The following PRKG2 variants were observed in gnomAD, a reference collection of about 807,000 sequenced individuals.
The protein encoded by PRKG2 is protein kinase cGMP-dependent 2, also known as cGMP-dependent protein kinase 2.
Under a neutral mutation model 97.2 loss-of-function variants are expected in PRKG2, and 33 were observed. The ratio of observed to expected loss-of-function variants is 0.34; its 90% CI spans 0.26 to 0.45. The LOEUF (loss-of-function observed/expected upper bound fraction) is 0.45. Ranked by LOEUF, PRKG2 falls within the 20% of genes least tolerant of loss-of-function variation. The pLI, the probability that PRKG2 is intolerant of heterozygous loss-of-function variation, is 1.00. For synonymous variants in PRKG2, 330 were observed against 321.8 expected (o/e 1.03, Z -0.27); for missense variants, 638 against 900.0 (o/e 0.71, Z 3.73).
chr4:81,095,113 G>T (rs1741989439), intron 17 of PRKG2, among the ~76,000 whole-genome samples: 1 of 152,080 alleles, frequency 6.6e-6, no homozygotes, highest in South Asian at 2.1e-4. Flanking sequence ...CTTGGGTTTG[G>T]TTTAGTGCTT....
chr4:81,158,886 G>C (rs952307627), intron 6 of PRKG2, among the ~76,000 whole-genome samples: 3 of 151,326 alleles, frequency 2.0e-5, no homozygotes, highest in Admixed American at 2.0e-4. Context: ...GGGAAAACTG[G>C]CTAGCCATAT....
chr4:81,209,216 C>T (rs927374459), intron 1 of PRKG2, among the ~76,000 whole-genome samples: 12 of 152,178 alleles, frequency 7.9e-5, no homozygotes, highest in African/African-American at 1.9e-4. Context: ...CGCTTGCAGG[C>T]GGATTAACAC....
chr4:81,120,817 T>G (rs1025411257), intron 14 of PRKG2, among the ~76,000 whole-genome samples: 12 of 152,194 alleles, frequency 7.9e-5, no homozygotes, highest in African/African-American at 2.9e-4. Context: ...TAACTAGGAC[T>G]TCCAGTGTGA....
At chr4:81,178,124 G>A (rs1281085171) in intron 2 of PRKG2, among the ~76,000 whole-genome samples, 3 of 146,186 alleles carry the variant, frequency 2.1e-5, no homozygotes, top group Admixed American at 2.0e-4. Context: ...GACACCTGAA[G>A]GGCTGCAGCC....
chr4:81,147,251 C>T (rs1747945934), intron 9 of PRKG2, among the ~76,000 whole-genome samples: 1 of 149,754 alleles, frequency 6.7e-6, no homozygotes, highest in African/African-American at 2.4e-5. Context: ...TGAGCTCCTC[C>T]TTTCTATCCT....
chr4:81,110,375 AC>A (rs1743775145), intron 15 of PRKG2, 72 bp downstream of exon 15: 2 of 1,480,246 alleles, frequency 1.4e-6, no homozygotes, highest in Admixed American at 4.3e-5. Context: ...TAAAGTATAT[AC>A]ACTTTATCAC....
intron 12 of PRKG2, among the ~76,000 whole-genome samples, chr4:81,138,549 A>G (rs1746946251): frequency 6.6e-6 from 1 of 152,140 alleles, no homozygotes; most frequent in African/African-American, 2.4e-5. Flanking sequence ...ATTATTATGT[A>G]TATTATTGAT....
chr4:81,177,655 G>A (rs149043167), intron 2 of PRKG2, among the ~76,000 whole-genome samples: 1,663 of 152,096 alleles, frequency 0.011, 37 homozygotes, highest in African/African-American at 0.038. Context: ...AGCCGAGCTC[G>A]CGCCACTGCA....
rs1383774145 is a variant in PRKG2 at position 81,190,289 on chromosome 4, C to CTGA, written c.461+14295_461+14297dup. On this transcript the variant is annotated intron_variant, in intron 2 of 18. Transcript: ENST00000264399. The stretch of plus-strand genomic sequence containing the variant: ...AATAGTGCCACACATCTACAACCAT[C>CTGA]TGATCTTTGACAAACAAGCAATCTG... Among the ~76,000 whole-genome samples the CTGA allele has an allele frequency of 2.6e-5, 4 of 152,164 alleles. No homozygotes were observed. In the East Asian group the frequency reaches 7.7e-4, roughly 29 times the overall value.
intron 15 of PRKG2, among the ~76,000 whole-genome samples, chr4:81,109,836 T>C (rs1743722836): frequency 6.6e-6 from 1 of 152,142 alleles, no homozygotes; most frequent in East Asian, 1.9e-4. Flanking sequence ...ATTTAAATAT[T>C]TGAGATCCTG....
At chr4:81,210,393 TCTGAG>T (rs1753907819) in intron 1 of PRKG2, among the ~76,000 whole-genome samples, 1 of 152,040 alleles carries the variant, frequency 6.6e-6, no homozygotes, top group South Asian at 2.1e-4. Context: ...GGGCAAAAGA[TCTGAG>T]CAGACACCTC....
intron 4 of PRKG2, 49 bp downstream of exon 4, chr4:81,171,642 T>C: frequency 2.1e-6 from 3 of 1,446,440 alleles, no homozygotes; most frequent in Non-Finnish European, 2.8e-6. Context: ...CTAGATTATC[T>C]TTAACATGCC....
chr4:81,130,570 C>T (rs1284273274), intron 14 of PRKG2, among the ~76,000 whole-genome samples: 2 of 152,102 alleles, frequency 1.3e-5, no homozygotes, highest in Non-Finnish European at 2.9e-5. Flanking sequence ...AATGTTTAAG[C>T]CTGCTGAAGC....
intron 14 of PRKG2, among the ~76,000 whole-genome samples, chr4:81,129,021 T>C (rs994463246): frequency 6.6e-6 from 1 of 152,232 alleles, no homozygotes; most frequent in South Asian, 2.1e-4. Context: ...TGTGTCTTTG[T>C]TCTCATTGGT....
intron 17 of PRKG2, among the ~76,000 whole-genome samples, chr4:81,101,073 C>T (rs1183956362): frequency 6.6e-6 from 1 of 151,840 alleles, no homozygotes; most frequent in African/African-American, 2.4e-5. Context: ...ACAACAGGTG[C>T]TGGAGAGGAT....
At chr4:81,148,159 A>G (rs908386004) in intron 9 of PRKG2, among the ~76,000 whole-genome samples, 6 of 152,070 alleles carry the variant, frequency 3.9e-5, no homozygotes, top group Admixed American at 3.3e-4. Context: ...ATCTGTTGTC[A>G]TTTTATAATC....
chr4:81,184,214 G>T (rs543682133), intron 2 of PRKG2, among the ~76,000 whole-genome samples: 32 of 152,302 alleles, frequency 2.1e-4, no homozygotes, highest in African/African-American at 7.5e-4. Context: ...ACACCTCCCA[G>T]CAGGGGTCGA....
At chr4:81,115,184 T>G (rs976490694) in intron 14 of PRKG2, among the ~76,000 whole-genome samples, 17 of 152,188 alleles carry the variant, frequency 1.1e-4, no homozygotes, top group Non-Finnish European at 2.1e-4. Flanking sequence ...TACTAGATAT[T>G]GCCAAAATTT....
At chr4:81,103,245 GGT>G (rs1281056182) in intron 17 of PRKG2, among the ~76,000 whole-genome samples, 1 of 152,096 alleles carries the variant, frequency 6.6e-6, no homozygotes, top group Non-Finnish European at 1.5e-5. Flanking sequence ...GTGCCATGTT[GGT>G]GTGCTGCACC....
Sources: gnomAD v4.1 joint callset for allele counts (sites outside exome capture counted in the v4.1 genomes callset) on GRCh38, gnomAD v4.1.1 for gene constraint, MANE v1.5 for transcripts, NCBI Gene and HGNC (gene_info 2026-07-23, HGNC 2026-07-21) for gene names.